Variants in CPA5 observed in about 807,000 individuals in gnomAD.
CPA5 encodes carboxypeptidase A5.
Under a neutral mutation model 52.2 loss-of-function variants are expected in CPA5, and 38 were observed. The observed-to-expected ratio is 0.73, with a 90% CI of 0.56 to 0.95. CPA5 has a LOEUF of 0.95. CPA5 is among the 40% of genes least tolerant of loss of function. The pLI is 0.00. For synonymous variants in CPA5, 198 were observed against 213.7 expected (o/e 0.93, Z 0.64); for missense variants, 519 against 566.7 (o/e 0.92, Z 0.86).
chr7:130,357,385 G>A (rs1279286926), intron 5 of CPA5, among the ~76,000 whole-genome samples: 3 of 152,138 alleles, frequency 2.0e-5, no homozygotes, highest in Non-Finnish European at 4.4e-5. Flanking sequence ...AAAGTTCTGG[G>A]CTGAGGTGGG....
downstream of CPA5, among the ~76,000 whole-genome samples, chr7:130,373,135 T>G (rs1796310136): frequency 6.6e-6 from 1 of 152,158 alleles, no homozygotes; most frequent in Non-Finnish European, 1.5e-5. Context: ...GGTTTAAGTT[T>G]ATCAAATAAA....
chr7:130,361,158 G>A lies in CPA5; in HGVS notation c.448G>A (p.Asp150Asn), dbSNP rs373662498. ...HTLEEIYSWI[D>N]NFVMEHSDIV... ...TTCCTTTCAGATATATAGCTGGATT[G>A]ACAACTTTGTAATGGAGCATTCCGA... The change falls in exon 7 of 13, where the codon GAC becomes AAC. Residue 150 changes from aspartate to asparagine, a missense_variant. Transcript: ENST00000474905. 2 of 1,613,120 alleles carry A rather than the reference G, an allele frequency of 1.2e-6. No homozygotes were observed. Among genetic ancestry groups the A allele is most frequent in the Non-Finnish European group, 1.7e-6 (2 of 1,179,112 alleles).
In CPA5 at chr7:130,350,018, A is replaced by G. The variant is rs781953315; in HGVS notation, c.242A>G (p.Asp81Gly). 2.5e-6 allele frequency: 4 copies of G among 1,613,914 alleles called. No individual in the cohort carries two copies. In the African/African-American group the frequency reaches 4.0e-5, roughly 16 times the overall value. Residue 81 changes from aspartate to glycine, a missense_variant, in exon 5 of 13, where the codon GAT becomes GGT. Transcript: ENST00000474905. Reference sequence around the variant, plus strand: ...CCAGCCAGGCCCAGCCTCCCTGTGGATATGAGAGTTCCTTTCTCTGAACTG... The same window carrying G: ...CCAGCCAGGCCCAGCCTCCCTGTGGGTATGAGAGTTCCTTTCTCTGAACTG... Reference protein sequence around the residue: ...RGPARPSLPVDMRVPFSELKD... With the variant: ...RGPARPSLPVGMRVPFSELKD...
chr7:130,371,606 T>C (rs566705922), downstream of CPA5, among the ~76,000 whole-genome samples: 1 of 152,190 alleles, frequency 6.6e-6, no homozygotes, highest in East Asian at 1.9e-4. Context: ...GTTTTGTTCT[T>C]GTTGCCCATG....
At chr7:130,374,258 C>CA in the CPA5 span, among the ~76,000 whole-genome samples, 2 of 151,072 alleles carry the variant, frequency 1.3e-5, no homozygotes, top group East Asian at 3.9e-4. Flanking sequence ...ACTCGGGGGG[C>CA]AAAAAATGTC....
At chr7:130,351,890 C>T (rs185958528) in intron 5 of CPA5, among the ~76,000 whole-genome samples, 43 of 152,230 alleles carry the variant, frequency 2.8e-4, no homozygotes, top group African/African-American at 8.9e-4. Flanking sequence ...ATGACTTGCT[C>T]GGTTGGGGAG....
intron 5 of CPA5, among the ~76,000 whole-genome samples, chr7:130,351,605 C>T (rs1795147176): frequency 6.6e-6 from 1 of 152,154 alleles, no homozygotes; most frequent in Non-Finnish European, 1.5e-5. Flanking sequence ...CGCTGCCATA[C>T]TTGAGATCAT....
chr7:130,360,814 CAA>C (rs1271838861), intron 6 of CPA5, among the ~76,000 whole-genome samples: 1 of 152,126 alleles, frequency 6.6e-6, no homozygotes, highest in African/African-American at 2.4e-5. Flanking sequence ...AGAATGGAGA[CAA>C]GAGAGAATTT....
At chr7:130,363,272 G>A in intron 9 of CPA5, 147 bp from the exon 10 acceptor site, 1 of 670,724 alleles carries the variant, frequency 1.5e-6, no homozygotes, top group Non-Finnish European at 2.6e-6. Context: ...CCAGCCCCAT[G>A]CCAGCCCCAT....
At chr7:130,367,867 G>T in intron 11 of CPA5, 39 bp from the exon 12 acceptor site, 1 of 1,574,964 alleles carries the variant, frequency 6.3e-7, no homozygotes, top group Non-Finnish European at 8.7e-7. Flanking sequence ...GGAGCCCCGG[G>T]GAGCCCCTGC....
chr7:130,373,592 C>T (rs1554410145), downstream of CPA5, among the ~76,000 whole-genome samples: 4 of 152,356 alleles, frequency 2.6e-5, no homozygotes, highest in Middle Eastern at 6.8e-3. Flanking sequence ...CAGTGAGGGG[C>T]CCTTCACACC....
chr7:130,367,399 C>G lies in CPA5; in HGVS notation c.866C>G (p.Ser289Ter), dbSNP rs371529281. 12 of 1,614,038 alleles carry G rather than the reference C, an allele frequency of 7.4e-6. No homozygotes were observed. The highest frequency in any genetic ancestry group is 9.3e-6 in the Non-Finnish European group (11 of 1,180,044). The change falls in exon 11 of 13, where the codon TCA becomes TGA. Residue 289 changes from serine (S) to a stop codon, truncating the protein, a stop_gained. Transcript: ENST00000474905. LOFTEE classifies it high-confidence loss of function. ...GGNGSNSNPC[S>*]ETYHGPSPQS... is the part of the protein sequence containing the mutation. ...AATGGTTCTAACAGCAACCCCTGCT[C>G]AGAAACTTATCACGGGCCCTCCCCT...
chr7:130,374,268 C>T, the CPA5 span, among the ~76,000 whole-genome samples: 5 of 152,048 alleles, frequency 3.3e-5, no homozygotes, highest in Non-Finnish European at 1.5e-5. Flanking sequence ...CAAAAAATGT[C>T]CTTCTGTGGA....
the CPA5 span, among the ~76,000 whole-genome samples, chr7:130,374,309 T>C: frequency 5.3e-5 from 8 of 152,242 alleles, no homozygotes; most frequent in Admixed American, 1.3e-4. Context: ...TCCAGCCTGC[T>C]TGGTTGACTG....
Position 130,347,773 on chromosome 7 carries a change from G to T in CPA5, c.124G>T (p.Val42Phe), listed in dbSNP as rs1349007818. 6.2e-7 allele frequency: 1 copy of T among 1,613,796 alleles called. No individual in the cohort carries two copies. Among genetic ancestry groups the T allele is most frequent in the Non-Finnish European group, 8.5e-7 (1 of 1,179,918 alleles). ...LGQMNFTGDQ[V>F]LRVLAKDEKQ... ...CTCCCTGTGTTTTTCTAGGGACCAG[G>T]TTCTTCGAGTCCTGGCCAAAGATGA... Residue 42 changes from valine to phenylalanine, a missense_variant, in exon 4 of 13, where the codon GTT becomes TTT. By Grantham distance (50) the Val-to-Phe change is conservative (BLOSUM62 -1). Transcript: ENST00000474905.
chr7:130,348,557 A>G (rs1400377849), intron 4 of CPA5, among the ~76,000 whole-genome samples: 5 of 152,134 alleles, frequency 3.3e-5, no homozygotes, highest in African/African-American at 1.2e-4. Context: ...TTCTGCGGGG[A>G]TGGGAACAAT....
intron 5 of CPA5, among the ~76,000 whole-genome samples, chr7:130,352,155 G>A (rs998582883): frequency 5.3e-5 from 8 of 152,196 alleles, no homozygotes; most frequent in African/African-American, 1.9e-4. Flanking sequence ...TTTTACTTTG[G>A]CCAGAGGCAG....
At chr7:130,351,224 G>T (rs1344597282) in intron 5 of CPA5, among the ~76,000 whole-genome samples, 14 of 152,154 alleles carry the variant, frequency 9.2e-5, no homozygotes, top group Admixed American at 9.2e-4. Flanking sequence ...AACAAAAATG[G>T]GGAAACTCCC....
intron 6 of CPA5, among the ~76,000 whole-genome samples, chr7:130,360,054 C>T (rs578247319): frequency 1.3e-5 from 2 of 152,288 alleles, no homozygotes; most frequent in South Asian, 4.1e-4. Flanking sequence ...GAACAAACAC[C>T]ACCATTCTAA....
Sources: allele counts gnomAD v4.1 joint callset (sites outside exome capture counted in the v4.1 genomes callset), GRCh38; gene constraint gnomAD v4.1.1; transcripts MANE v1.5; gene names NCBI Gene and HGNC (gene_info 2026-07-23, HGNC 2026-07-21).